The following LRRC28 variants were observed in gnomAD, a reference collection of about 807,000 sequenced individuals.
LRRC28 encodes leucine rich repeat containing 28.
LRRC28 carries 39 observed loss-of-function variants against 45.7 expected under a neutral mutation model. The observed-to-expected ratio is 0.85, with a 90% CI of 0.66 to 1.12. The LOEUF is 1.12. LRRC28 is among the 50% of genes most tolerant of loss of function. LRRC28 has a pLI of 0.00. For missense variants in LRRC28, 435 were observed against 438.5 expected (o/e 0.99, Z 0.07); for synonymous variants, 206 against 178.8 (o/e 1.15, Z -1.22).
At chr15:99,271,882 A>G (rs562360687) in intron 2 of LRRC28, among the ~76,000 whole-genome samples, 2 of 152,312 alleles carry the variant, frequency 1.3e-5, no homozygotes, top group East Asian at 3.9e-4. Context: ...TACAGGCTTG[A>G]GCCACTGCAC....
chr15:99,301,036 T>C (rs1359493364), intron 5 of LRRC28, among the ~76,000 whole-genome samples: 2 of 152,216 alleles, frequency 1.3e-5, no homozygotes, highest in Non-Finnish European at 2.9e-5. Context: ...CTGTTTTATA[T>C]ACACAGGGTG....
intron 5 of LRRC28, among the ~76,000 whole-genome samples, chr15:99,315,565 T>C (rs1955564153): frequency 6.6e-6 from 1 of 152,226 alleles, no homozygotes; most frequent in African/African-American, 2.4e-5. Flanking sequence ...GAGACTCATA[T>C]GCTGTCCATA....
At chr15:99,316,050 T>A (rs1454198631) in intron 5 of LRRC28, among the ~76,000 whole-genome samples, 3 of 152,238 alleles carry the variant, frequency 2.0e-5, no homozygotes, top group Non-Finnish European at 4.4e-5. Context: ...TGTGTGCTAT[T>A]AATGGAATCT....
intron 6 of LRRC28, among the ~76,000 whole-genome samples, chr15:99,347,383 G>T (rs1262768743): frequency 6.6e-6 from 1 of 151,994 alleles, no homozygotes; most frequent in Non-Finnish European, 1.5e-5. Context: ...TAATTTTTTT[G>T]TATTTTTAGT....
rs566508759 is a variant in LRRC28, at chr15:99,386,935, AGG to A, written c.*837_*838del. 4 of 151,444 alleles carry A rather than the reference AGG, an allele frequency of 2.6e-5. No homozygotes were observed. Among genetic ancestry groups the A allele is most frequent in the Non-Finnish European group, 5.9e-5 (4 of 67,442 alleles). 9.4% of individuals were successfully genotyped at this position (151,444 alleles called of 1,614,324 possible). Reference sequence around the variant, plus strand: ...ATATAAAGTTTCCATACAATGAGAAAGGGGGAGAAAACACACATTGAAATAAG... The same window carrying A: ...ATATAAAGTTTCCATACAATGAGAAAGGGAGAAAACACACATTGAAATAAG... On this transcript the variant is annotated 3_prime_UTR_variant, in exon 10 of 10. Transcript: ENST00000301981.
intron 2 of LRRC28, among the ~76,000 whole-genome samples, chr15:99,269,384 G>C (rs927696776): frequency 6.6e-6 from 1 of 151,852 alleles, no homozygotes; most frequent in African/African-American, 2.4e-5. Flanking sequence ...TATGAATTCT[G>C]CACACTTTAC....
At position 99,275,832 on chromosome 15, in the gene LRRC28, T is replaced by G. The variant is rs926361278; in HGVS notation, c.169-744T>G. 2.0e-5 allele frequency among the ~76,000 whole-genome samples: 3 copies of G among 152,264 alleles called. No homozygotes were observed. In the South Asian group the frequency reaches 6.2e-4, roughly 32 times the overall value. Reference sequence around the variant, plus strand: ...CTTCCATGACCATGGATTATGAGGTTTGTGGTTTCTCTAAGGCAGGGGTCC... The same window carrying G: ...CTTCCATGACCATGGATTATGAGGTGTGTGGTTTCTCTAAGGCAGGGGTCC... On this transcript the variant is annotated intron_variant, in intron 2 of 9. Transcript: ENST00000301981.
chr15:99,299,497 T>C (rs1044515409), intron 5 of LRRC28, among the ~76,000 whole-genome samples: 1 of 152,228 alleles, frequency 6.6e-6, no homozygotes, highest in African/African-American at 2.4e-5. Flanking sequence ...ATGTATTTAA[T>C]ATACAGAATG....
intron 9 of LRRC28, among the ~76,000 whole-genome samples, chr15:99,372,868 C>T (rs1957521344): frequency 6.6e-6 from 1 of 152,124 alleles, no homozygotes; most frequent in Non-Finnish European, 1.5e-5. Flanking sequence ...CCTCAGGAAA[C>T]TTAACAATCA....
At chr15:99,324,481 G>C (rs1162846330) in intron 5 of LRRC28, among the ~76,000 whole-genome samples, 2 of 152,060 alleles carry the variant, frequency 1.3e-5, no homozygotes, top group Non-Finnish European at 2.9e-5. Flanking sequence ...GTCTGTCATT[G>C]ACTCTCTGTG....
At chr15:99,330,227 T>C (rs981700451) in intron 5 of LRRC28, among the ~76,000 whole-genome samples, 3 of 152,186 alleles carry the variant, frequency 2.0e-5, no homozygotes, top group African/African-American at 7.2e-5. Context: ...CAGGAGTGTG[T>C]CTTTTAGGAT....
Position 99,361,429 on chromosome 15 carries a change from A to G in LRRC28, c.789A>G (p.Ile263Met), listed in dbSNP as rs1431780944. 1 of 1,613,906 alleles carries G rather than the reference A, an allele frequency of 6.2e-7. No homozygotes were observed. Among genetic ancestry groups the G allele is most frequent in the African/African-American group, 1.3e-5 (1 of 74,918 alleles). ...TVFLPAEVKAIGTEHDHVLPL... is the reference protein window; with the variant it reads ...TVFLPAEVKAMGTEHDHVLPL... ...TCCTCCCAGCTGAGGTGAAGGCCAT[A>G]GGGACGGAGCATGATCACGTCCTCC... Residue 263 changes from isoleucine to methionine, a missense_variant, in exon 8 of 10, where the codon ATA becomes ATG. Coordinates refer to ENST00000301981, the MANE Select transcript of LRRC28 (RefSeq NM_144598.5).
rs1470238178 is a variant in LRRC28, at chr15:99,258,627, A to T, written c.168+2502A>T. On this transcript the variant is annotated intron_variant, in intron 2 of 9. Transcript: ENST00000301981. ...AACTGTCTGTGAATGGGAACTTATG[A>T]ATGATATCAAACCAATATGGCAGAG... 5 of 752,376 alleles carry T rather than the reference A, an allele frequency of 6.6e-6. No homozygotes were observed. The Admixed American group carries it at 9.2e-5, about 14-fold the overall frequency. The allele number at this position is 752,376 out of a possible 1,614,324, so 46.6% of individuals were successfully genotyped here.
chr15:99,292,359 CT>C (rs35435895), intron 5 of LRRC28, among the ~76,000 whole-genome samples: 24 of 133,100 alleles, frequency 1.8e-4, no homozygotes, highest in Non-Finnish European at 2.2e-4. Context: ...ATCGTACAGT[CT>C]TTTTTTTTTT....
At chr15:99,324,715 A>G (rs1423889755) in intron 5 of LRRC28, among the ~76,000 whole-genome samples, 19 of 152,218 alleles carry the variant, frequency 1.2e-4, no homozygotes, top group Non-Finnish European at 5.9e-5. Context: ...AAAAGTTTCA[A>G]GGTATTGTGT....
intron 5 of LRRC28, among the ~76,000 whole-genome samples, chr15:99,296,344 A>G (rs1438544977): frequency 6.6e-6 from 1 of 152,218 alleles, no homozygotes; most frequent in African/African-American, 2.4e-5. Flanking sequence ...AGAACAAAGC[A>G]GCTCTCATTT....
In LRRC28 at chr15:99,361,203, C is replaced by T; in HGVS notation, c.696-133C>T. 8 of 1,114,672 alleles carry T rather than the reference C, an allele frequency of 7.2e-6. No individual in the cohort carries two copies. The South Asian group carries it at 1.2e-4, about 17-fold the overall frequency. The allele number at this position is 1,114,672 out of a possible 1,614,324, so 69.0% of individuals were successfully genotyped here. On this transcript the variant is annotated intron_variant, in intron 7 of 9. Coordinates refer to ENST00000301981, the MANE Select transcript of LRRC28 (RefSeq NM_144598.5). The stretch of plus-strand genomic sequence containing the variant: ...GAAGGAACCCGGGATAGCATCTGTT[C>T]ACTTTGAAAAGAATTCTGGCAATTC...
chr15:99,367,195 A>T (rs1957363385), intron 9 of LRRC28, among the ~76,000 whole-genome samples: 1 of 152,226 alleles, frequency 6.6e-6, no homozygotes, highest in Non-Finnish European at 1.5e-5. Flanking sequence ...CAGGGTTCCC[A>T]ATACCTCCTT....
Position 99,278,672 on chromosome 15 carries a change from A to G in LRRC28, c.209+2056A>G, listed in dbSNP as rs539323155. ...CAAATATTCACCTTTTTAATTATCT[A>G]TTGCTGCTTAACAACTTACCCCCAA... On this transcript the variant is annotated intron_variant, in intron 3 of 9. Coordinates refer to ENST00000301981, the MANE Select transcript of LRRC28 (RefSeq NM_144598.5). Among the ~76,000 whole-genome samples the G allele has an allele frequency of 2.6e-4, 39 of 152,330 alleles. No individual in the cohort carries two copies. The South Asian group carries it at 3.5e-3, about 14-fold the overall frequency.
Sources: gnomAD v4.1 joint callset for allele counts (sites outside exome capture counted in the v4.1 genomes callset) on GRCh38, gnomAD v4.1.1 for gene constraint, MANE v1.5 for transcripts, NCBI Gene and HGNC (gene_info 2026-07-23, HGNC 2026-07-21) for gene names.